The following STON2 variants were observed in gnomAD, a reference collection of about 807,000 sequenced individuals.
The protein encoded by STON2 is stonin-2.
A neutral mutation model predicts 65.7 loss-of-function variants in STON2; 29 were observed. The ratio of observed to expected loss-of-function variants is 0.44; its 90% CI spans 0.33 to 0.60. The LOEUF is 0.60. STON2 is among the 20% of genes least tolerant of loss of function. The pLI is 0.03. For synonymous variants in STON2, 404 were observed against 414.2 expected (o/e 0.98, Z 0.30); for missense variants, 1,054 against 1,118.1 (o/e 0.94, Z 0.82).
intron 2 of STON2, among the ~76,000 whole-genome samples, chr14:81,424,561 T>C (rs958145802): frequency 6.6e-5 from 10 of 151,918 alleles, no homozygotes; most frequent in Non-Finnish European, 1.3e-4. Context: ...TACAATGATA[T>C]GATTTTTAAA....
rs1428240769 is a variant in STON2 at position 81,398,400 on chromosome 14, CATCT to C, written c.-22_-19del. On this transcript the variant is annotated 5_prime_UTR_variant, in exon 2 of 8. The change abolishes an upstream ATG in the 5' untranslated region. Transcript: ENST00000614646. ...GTCGTCATGCTAAAAAGGCACTGGT[CATCT>C]TCACACTGCTGACCTCAGGTGAACC... 1 of 1,603,586 alleles carries C rather than the reference CATCT, an allele frequency of 6.2e-7. No homozygotes were observed. Among genetic ancestry groups the C allele is most frequent in the Non-Finnish European group, 8.5e-7 (1 of 1,170,680 alleles).
chr14:81,262,758 A>G lies in STON2; in HGVS notation c.*5656T>C, dbSNP rs946630421. On this transcript the variant is annotated 3_prime_UTR_variant, in exon 8 of 8. Coordinates refer to ENST00000614646, the MANE Select transcript of STON2 (RefSeq NM_001394390.1). ...CTTTCCAGCAGATTTGCTAAGGCAC[A>G]CTAGAAGAAATGTAAAAATCTCACA... 25 of 985,306 alleles carry G rather than the reference A, an allele frequency of 2.5e-5. No homozygotes were observed. In the African/African-American group the frequency reaches 4.4e-4, roughly 17 times the overall value. 61.0% of individuals were successfully genotyped at this position (985,306 alleles called of 1,614,324 possible). A position where few individuals can be genotyped will look rare whatever the true frequency, so the allele number is the denominator to read the frequency against.
At chr14:81,349,497 C>T (rs1180308748) in intron 4 of STON2, among the ~76,000 whole-genome samples, 2 of 151,996 alleles carry the variant, frequency 1.3e-5, no homozygotes, top group East Asian at 3.9e-4. Context: ...TGCTAAATAT[C>T]ACAAATCATC....
intron 2 of STON2, among the ~76,000 whole-genome samples, chr14:81,426,252 A>G (rs1901967885): frequency 6.6e-6 from 1 of 152,216 alleles, no homozygotes; most frequent in Non-Finnish European, 1.5e-5. Context: ...CCATGGGATT[A>G]TAGAGCTCAA....
chr14:81,321,181 T>G (rs1416870016), intron 5 of STON2, among the ~76,000 whole-genome samples: 2 of 152,170 alleles, frequency 1.3e-5, no homozygotes, highest in Non-Finnish European at 2.9e-5. Flanking sequence ...TGCTGCTTTC[T>G]GTTTTTCAGA....
chr14:81,314,254 G>T (rs2140223308), intron 5 of STON2, among the ~76,000 whole-genome samples: 1 of 152,336 alleles, frequency 6.6e-6, no homozygotes, highest in South Asian at 2.1e-4. Context: ...CCAACCCAGT[G>T]CCCTTTTGAC....
intron 5 of STON2, among the ~76,000 whole-genome samples, chr14:81,305,973 T>C (rs1896156827): frequency 6.6e-6 from 1 of 152,062 alleles, no homozygotes; most frequent in Non-Finnish European, 1.5e-5. Flanking sequence ...AAACCAGCTA[T>C]AACTCCTTGC....
chr14:81,343,248 C>T (rs559635548), intron 4 of STON2, among the ~76,000 whole-genome samples: 2 of 152,286 alleles, frequency 1.3e-5, no homozygotes, highest in South Asian at 4.1e-4. Flanking sequence ...CCAATCCCAG[C>T]ATCCTCTGTG....
At position 81,314,664 on chromosome 14, in the gene STON2, C is replaced by A. The variant is rs1209522092; in HGVS notation, c.742+9353G>T. Among the ~76,000 whole-genome samples the A allele has an allele frequency of 3.9e-5, 6 of 152,292 alleles. No homozygotes were observed. In the South Asian group the frequency reaches 1.0e-3, roughly 26 times the overall value. ...CCCTAAGCTCTGATTATCACCACACCTGAGCCTTCCCTGCCACTTACAGAG... is the reference window on the plus strand; with the variant it reads ...CCCTAAGCTCTGATTATCACCACACATGAGCCTTCCCTGCCACTTACAGAG... On this transcript the variant is annotated intron_variant, in intron 5 of 7. Coordinates refer to ENST00000614646, the MANE Select transcript of STON2 (RefSeq NM_001394390.1).
intron 3 of STON2, among the ~76,000 whole-genome samples, chr14:81,390,420 C>T (rs2140422269): frequency 6.6e-6 from 1 of 152,206 alleles, no homozygotes; most frequent in East Asian, 1.9e-4. Context: ...TATCTGGTGA[C>T]TCAATGAGTA....
In STON2 at chr14:81,413,862, C is replaced by T. The variant is rs182772204; in HGVS notation, c.-199+13240G>A. Among the ~76,000 whole-genome samples, 36 of 140,112 alleles carry T rather than the reference C, an allele frequency of 2.6e-4. 5 individuals are homozygous for T. The highest frequency in any genetic ancestry group is 5.7e-4 in the Admixed American group (8 of 14,128). The allele number at this position is 140,112 out of a possible 152,430, so 91.9% of individuals were successfully genotyped here. A position where few individuals can be genotyped will look rare whatever the true frequency, so the allele number is the denominator to read the frequency against. On this transcript the variant is annotated intron_variant, in intron 2 of 8. Coordinates refer to the STON2 transcript ENST00000553821. Reference sequence around the variant, plus strand: ...ATGTGAAGAAAACAAAGCTTTCTCACTGTTGTAATTTAAAATATTAGCAAC... The same window carrying T: ...ATGTGAAGAAAACAAAGCTTTCTCATTGTTGTAATTTAAAATATTAGCAAC...
chr14:81,386,836 T>C (rs746846183), intron 3 of STON2, among the ~76,000 whole-genome samples: 8 of 152,176 alleles, frequency 5.3e-5, no homozygotes, highest in Admixed American at 2.6e-4. Flanking sequence ...AGTCCATTTG[T>C]CTGCAGGCAT....
intron 1 of STON2, among the ~76,000 whole-genome samples, chr14:81,429,510 T>C (rs1205044071): frequency 2.0e-5 from 3 of 152,220 alleles, no homozygotes; most frequent in African/African-American, 7.2e-5. Flanking sequence ...TCCAGTGTTA[T>C]TCACCTACTA....
intron 2 of STON2, among the ~76,000 whole-genome samples, chr14:81,415,650 CAG>C (rs1901393249): frequency 9.1e-6 from 1 of 110,416 alleles, no homozygotes; most frequent in Non-Finnish European, 1.7e-5. Flanking sequence ...AGCCTGGCAA[CAG>C]AGTGAGACTC....
chr14:81,390,193 CAAAA>C (rs759154677), intron 3 of STON2, among the ~76,000 whole-genome samples: 1 of 88,346 alleles, frequency 1.1e-5, no homozygotes, highest in Non-Finnish European at 2.3e-5. Flanking sequence ...GACTCCATTT[CAAAA>C]AAAAAAAAAA....
intron 3 of STON2, among the ~76,000 whole-genome samples, chr14:81,381,105 CAAT>C (rs1473348444): frequency 2.0e-5 from 3 of 151,920 alleles, no homozygotes; most frequent in Admixed American, 6.6e-5. Context: ...AAATAAACAA[CAAT>C]AAAACATTGT....
intron 3 of STON2, among the ~76,000 whole-genome samples, chr14:81,391,983 A>C (rs941479886): frequency 1.3e-5 from 2 of 152,212 alleles, no homozygotes; most frequent in Non-Finnish European, 2.9e-5. Flanking sequence ...TAGTAATATT[A>C]ATACATCTAA....
At position 81,385,028 on chromosome 14, in the gene STON2, C is replaced by G. The variant is rs141909186; in HGVS notation, c.373+10866G>C. ...AAAAGCTCCATTAGTAACAGATTGC[C>G]CAACTGTTAGGCAACTTCAACGTGG... On this transcript the variant is annotated intron_variant, in intron 3 of 7. Transcript: ENST00000614646. 2.2e-4 allele frequency among the ~76,000 whole-genome samples: 33 copies of G among 152,296 alleles called. 1 individual carries two copies. The East Asian group carries it at 6.4e-3, about 29-fold the overall frequency.
chr14:81,300,024 T>A (rs1895910844), intron 5 of STON2, among the ~76,000 whole-genome samples: 2 of 152,054 alleles, frequency 1.3e-5, no homozygotes, highest in Non-Finnish European at 2.9e-5. Context: ...AAGAAAAATG[T>A]TGTAGGACTC....
Sources: allele counts gnomAD v4.1 joint callset (sites outside exome capture counted in the v4.1 genomes callset), GRCh38; gene constraint gnomAD v4.1.1; transcripts MANE v1.5; gene names NCBI Gene and HGNC (gene_info 2026-07-23, HGNC 2026-07-21).